Variants in PCDHGA2 observed in about 807,000 individuals in gnomAD.
The protein encoded by PCDHGA2 is protocadherin gamma subfamily A, 2.
A neutral mutation model predicts 59.2 loss-of-function variants in PCDHGA2; 40 were observed. That is an observed-to-expected ratio of 0.68 (90% CI 0.52 to 0.88). The LOEUF (loss-of-function observed/expected upper bound fraction) is 0.88. Among genes scored for constraint, PCDHGA2 ranks in the 40% least tolerant of loss-of-function variants. The pLI is 0.00. For missense variants in PCDHGA2, 1,226 were observed against 1,204.0 expected, an observed-to-expected ratio of 1.02 and a Z score of -0.27; for synonymous variants, 560 against 526.0, an observed-to-expected ratio of 1.06 and a Z score of -0.89.
At chr5:141,369,672 A>G (rs545394407) in intron 1 of PCDHGA2, among the ~76,000 whole-genome samples, 2 of 152,370 alleles carry the variant, frequency 1.3e-5, no homozygotes, top group East Asian at 3.9e-4. Flanking sequence ...AAGAGAAGAA[A>G]GTGAAACATA....
Position 141,487,165 on chromosome 5 carries a change from C to T in PCDHGA2, c.2425-7642C>T, listed in dbSNP as rs1014219030. The T allele has an allele frequency of 1.9e-6, 3 of 1,612,932 alleles. No homozygotes were observed. The highest frequency in any genetic ancestry group is 2.5e-6 in the Non-Finnish European group (3 of 1,178,918). On this transcript the variant is annotated intron_variant, in intron 1 of 3. Coordinates refer to ENST00000394576, the MANE Select transcript of PCDHGA2 (RefSeq NM_018915.4). The surrounding 1 kb of genome is among the most constrained non-coding windows in gnomAD (Gnocchi z 5.0). ...CTACCTCTGTTACTCTCTTAGTGTC[C>T]TTAGAGGAAGACACTCATCCAGTTG...
rs1213998742 is a variant in PCDHGA2, at chr5:141,357,158, C to T, written c.2424+15763C>T. ...GTCGTCCAGGACCATGGCCAGCCCC[C>T]TCTCTCGGCCACCGTCACACTCACT... is the stretch of plus-strand genomic sequence containing the variant. On this transcript the variant is annotated intron_variant, in intron 1 of 3. Coordinates refer to ENST00000394576, the MANE Select transcript of PCDHGA2 (RefSeq NM_018915.4). The T allele has an allele frequency of 1.6e-5, 26 of 1,613,554 alleles. No individual in the cohort carries two copies. Among genetic ancestry groups the T allele is most frequent in the African/African-American group, 4.0e-5 (3 of 74,958 alleles).
rs2099883868 is a variant in PCDHGA2 at position 141,511,590 on chromosome 5, A to G, written c.*417A>G. On this transcript the variant is annotated 3_prime_UTR_variant, in exon 4 of 4. Transcript: ENST00000394576. The stretch of plus-strand genomic sequence containing the variant: ...AGTAAGGTGGTTGGGGTGTTGAAGT[A>G]CCAAGTAACCTACAAGCCTCCTAGT... 3.7e-6 allele frequency: 1 copy of G among 267,908 alleles called. No individual in the cohort carries two copies. The highest frequency in any genetic ancestry group is 7.4e-6 in the Non-Finnish European group (1 of 135,038). 16.6% of individuals were successfully genotyped at this position (267,908 alleles called of 1,614,324 possible). A position where few individuals can be genotyped will look rare whatever the true frequency, so the allele number is the denominator to read the frequency against.
intron 1 of PCDHGA2, among the ~76,000 whole-genome samples, chr5:141,348,825 AGAGTAT>A (rs1252286003): frequency 6.6e-6 from 1 of 152,224 alleles, no homozygotes; most frequent in East Asian, 1.9e-4. Flanking sequence ...TGTTTCGAAT[AGAGTAT>A]GAGTATGGGT....
chr5:141,404,347 C>A (rs1451476815), intron 1 of PCDHGA2: 2 of 1,613,916 alleles, frequency 1.2e-6, no homozygotes, highest in Non-Finnish European at 1.7e-6. Context: ...CGGAAAACAA[C>A]GCCAGAGGTA....
intron 1 of PCDHGA2, among the ~76,000 whole-genome samples, chr5:141,461,756 C>T (rs887460069): frequency 6.6e-6 from 1 of 151,832 alleles, no homozygotes; most frequent in Non-Finnish European, 1.5e-5. Flanking sequence ...CAGATTCAAG[C>T]GATTCTCCTG....
chr5:141,390,152 TAC>T, intron 1 of PCDHGA2: 2 of 1,614,054 alleles, frequency 1.2e-6, no homozygotes, highest in Non-Finnish European at 1.7e-6. Flanking sequence ...GTGTTGCACA[TAC>T]AGGAAAGACG....
intron 1 of PCDHGA2, among the ~76,000 whole-genome samples, chr5:141,451,387 T>C (rs1039738460): frequency 6.6e-6 from 1 of 152,116 alleles, no homozygotes; most frequent in African/African-American, 2.4e-5. Flanking sequence ...TCTCACATAG[T>C]TAATGGCAAA....
chr5:141,403,121 C>A, intron 1 of PCDHGA2: 1 of 1,614,046 alleles, frequency 6.2e-7, no homozygotes, highest in Middle Eastern at 1.6e-4. Context: ...TCTGGAGCCC[C>A]GGGAGCTGGC....
In PCDHGA2 at chr5:141,512,022, C is replaced by T. The variant is rs2154594692; in HGVS notation, c.*849C>T. The T allele has an allele frequency of 6.5e-6, 1 of 152,990 alleles. No individual in the cohort carries two copies. The highest frequency in any genetic ancestry group is 1.9e-4 in the East Asian group (1 of 5,186). The allele number at this position is 152,990 out of a possible 1,614,324, so 9.5% of individuals were successfully genotyped here. A position where few individuals can be genotyped will look rare whatever the true frequency, so the allele number is the denominator to read the frequency against. The stretch of plus-strand genomic sequence containing the variant: ...AGCTTGACACATCAAGTTATCAAGG[C>T]CTTGGAGGAGGCTCTGTATGTCCTC... On this transcript the variant is annotated 3_prime_UTR_variant, in exon 4 of 4. Transcript: ENST00000394576.
At chr5:141,374,571 G>A in intron 1 of PCDHGA2, 1 of 1,613,670 alleles carries the variant, frequency 6.2e-7, no homozygotes, top group Non-Finnish European at 8.5e-7. Flanking sequence ...CCTGATGTGG[G>A]AATGAACTCC....
At chr5:141,405,359 GAC>G in intron 1 of PCDHGA2, 1 of 1,614,018 alleles carries the variant, frequency 6.2e-7, no homozygotes, top group Admixed American at 1.7e-5. Context: ...TCCTATAGAA[GAC>G]ACCCCTTTGG....
intron 1 of PCDHGA2, among the ~76,000 whole-genome samples, chr5:141,474,669 C>T (rs983136753): frequency 6.6e-6 from 1 of 152,198 alleles, no homozygotes; most frequent in Non-Finnish European, 1.5e-5. Flanking sequence ...CCTACCTAAC[C>T]TATGTGCCTA....
intron 1 of PCDHGA2, chr5:141,345,112 G>T: frequency 6.2e-7 from 1 of 1,613,964 alleles, no homozygotes; most frequent in Non-Finnish European, 8.5e-7. Flanking sequence ...CCAGAAGAGG[G>T]CACCGTTGGA....
At chr5:141,366,868 T>C in intron 1 of PCDHGA2, 1 of 1,409,530 alleles carries the variant, frequency 7.1e-7, no homozygotes, top group Non-Finnish European at 9.5e-7. Flanking sequence ...ATTTGCTGTA[T>C]TGGAGATTAA....
chr5:141,507,202 C>G (rs2099859138), intron 3 of PCDHGA2: 1 of 152,356 alleles, frequency 6.6e-6, no homozygotes, highest in Non-Finnish European at 1.5e-5. Flanking sequence ...TCTTCCAGAT[C>G]AGGGTTGCCA....
chr5:141,377,296 T>A (rs555068589), intron 1 of PCDHGA2: 1 of 152,208 alleles, frequency 6.6e-6, no homozygotes, highest in Non-Finnish European at 1.5e-5. Flanking sequence ...TTAATTTAGG[T>A]CAGTGTTAAA....
In PCDHGA2 at chr5:141,388,444, A is replaced by G. The variant is rs1034138913; in HGVS notation, c.2424+47049A>G. 28 of 1,613,890 alleles carry G rather than the reference A, an allele frequency of 1.7e-5. No individual in the cohort carries two copies. Among genetic ancestry groups the G allele is most frequent in the Non-Finnish European group, 2.4e-5 (28 of 1,179,886 alleles). Reference sequence around the variant, plus strand: ...TCACTGATAAATAAAGAGAAATCAGATGGCAGTAAATACCCTGAGATGGTA... The same window carrying G: ...TCACTGATAAATAAAGAGAAATCAGGTGGCAGTAAATACCCTGAGATGGTA... On this transcript the variant is annotated intron_variant, in intron 1 of 3. Transcript: ENST00000394576.
intron 1 of PCDHGA2, chr5:141,352,272 T>G (rs1437791684): frequency 6.2e-7 from 1 of 1,613,926 alleles, no homozygotes; most frequent in African/African-American, 1.3e-5. Flanking sequence ...TTGCCAGACC[T>G]CAGCGACCGC....
Sources: gnomAD v4.1 joint callset for allele counts (sites outside exome capture counted in the v4.1 genomes callset) on GRCh38, gnomAD v4.1.1 for gene constraint, Gnocchi (gnomAD v3.1) non-coding constraint, MANE v1.5 for transcripts, NCBI Gene and HGNC (gene_info 2026-07-23, HGNC 2026-07-21) for gene names.